The following DOK5 variants were observed in gnomAD, a reference collection of about 807,000 sequenced individuals.
DOK5 encodes the protein docking protein 5, also known as downstream of tyrosine kinase 5.
Under a neutral mutation model 43.3 loss-of-function variants are expected in DOK5, and 27 were observed. The ratio of observed to expected loss-of-function variants is 0.62; its 90% confidence interval spans 0.46 to 0.86. The LOEUF is 0.86. Ranked by LOEUF, DOK5 falls within the 40% of genes least tolerant of loss-of-function variation. The pLI is 0.00. For missense variants in DOK5, 373 were observed against 392.9 expected, an observed-to-expected ratio of 0.95 and a Z score of 0.43; for synonymous variants, 146 against 140.1, an observed-to-expected ratio of 1.04 and a Z score of -0.30.
intron 6 of DOK5, among the ~76,000 whole-genome samples, chr20:54,618,842 A>T (rs1407992212): frequency 4.0e-5 from 6 of 151,074 alleles, no homozygotes; most frequent in African/African-American, 9.7e-5. Flanking sequence ...ACATAGGGAG[A>T]CCCCATCTCT....
chr20:54,575,063 T>A (rs1985410730), intron 2 of DOK5, among the ~76,000 whole-genome samples: 1 of 152,176 alleles, frequency 6.6e-6, no homozygotes, highest in African/African-American at 2.4e-5. Context: ...CTCATCAAAC[T>A]TTTAAATGTA....
chr20:54,540,627 C>T (rs1333963845), intron 1 of DOK5, among the ~76,000 whole-genome samples: 1 of 152,092 alleles, frequency 6.6e-6, no homozygotes, highest in Non-Finnish European at 1.5e-5. Context: ...TGATCCTTCC[C>T]CACCTCAGCC....
chr20:54,481,002 C>CT (rs56799784), intron 1 of DOK5, among the ~76,000 whole-genome samples: 580 of 34,462 alleles, frequency 0.017, 5 homozygotes, highest in East Asian at 0.15. Context: ...ATCTATCTAT[C>CT]ATCTATCATC....
At chr20:54,644,629 C>T (rs553847525) in intron 7 of DOK5, among the ~76,000 whole-genome samples, 1 of 150,602 alleles carries the variant, frequency 6.6e-6, no homozygotes, top group Non-Finnish European at 1.5e-5. Context: ...TGGCGTGAAC[C>T]CGGGAGGCGG....
chr20:54,564,848 A>C (rs1489924281), intron 2 of DOK5, among the ~76,000 whole-genome samples: 1 of 152,146 alleles, frequency 6.6e-6, no homozygotes, highest in African/African-American at 2.4e-5. Context: ...ATCAAAGCTC[A>C]TTGCCAATAC....
At chr20:54,527,439 A>G (rs1422716239) in intron 1 of DOK5, among the ~76,000 whole-genome samples, 1 of 152,186 alleles carries the variant, frequency 6.6e-6, no homozygotes, top group Non-Finnish European at 1.5e-5. Context: ...ACAGAACCAT[A>G]TATTGTTATG....
chr20:54,499,626 T>A (rs1039672334), intron 1 of DOK5, among the ~76,000 whole-genome samples: 3 of 152,250 alleles, frequency 2.0e-5, no homozygotes, highest in Admixed American at 6.5e-5. Flanking sequence ...GTTGTCTCTA[T>A]GGCCAATTTA....
chr20:54,508,421 A>G (rs2146684861), intron 1 of DOK5, among the ~76,000 whole-genome samples: 3 of 150,616 alleles, frequency 2.0e-5, no homozygotes, highest in Middle Eastern at 6.8e-3. Flanking sequence ...GGCTGGGGAT[A>G]TAATGATGCT....
In DOK5 at chr20:54,555,006, A is replaced by G. The variant is rs757827852; in HGVS notation, c.140A>G (p.Asp47Gly). 18 of 1,613,754 alleles carry G rather than the reference A, an allele frequency of 1.1e-5. No individual in the cohort carries two copies. The East Asian group carries it at 4.0e-4, about 36-fold the overall frequency. Residue 47 changes from aspartate (D) to glycine (G), a missense_variant, in exon 2 of 8, where the codon GAT becomes GGT. Asp to Gly is a moderately conservative substitution (Grantham distance 94). Coordinates refer to ENST00000262593, the MANE Select transcript of DOK5 (RefSeq NM_018431.5). Reference protein sequence around the residue: ...KGPKRLEKFSDERAAYFRCYH... With the variant: ...KGPKRLEKFSGERAAYFRCYH... ...CCAAAAAGACTGGAGAAATTTTCTG[A>G]TGAACGTGCTGCATATTTCAGGTGT...
At chr20:54,636,304 C>A (rs949607566) in intron 6 of DOK5, among the ~76,000 whole-genome samples, 1 of 152,140 alleles carries the variant, frequency 6.6e-6, no homozygotes, top group Non-Finnish European at 1.5e-5. Context: ...TAATGAAAGG[C>A]CAAGTTAGGA....
chr20:54,638,332 C>T (rs1978937809), intron 6 of DOK5, among the ~76,000 whole-genome samples: 1 of 151,982 alleles, frequency 6.6e-6, no homozygotes. Context: ...AGAATTTAAC[C>T]ACATAAGTAA....
At chr20:54,579,962 G>A (rs1299343771) in intron 2 of DOK5, among the ~76,000 whole-genome samples, 3 of 152,016 alleles carry the variant, frequency 2.0e-5, no homozygotes, top group African/African-American at 7.2e-5. Flanking sequence ...CCTGGTGTGT[G>A]ATGTTCCCCT....
At chr20:54,594,402 A>G (rs1986073463) in intron 5 of DOK5, among the ~76,000 whole-genome samples, 2 of 152,188 alleles carry the variant, frequency 1.3e-5, no homozygotes, top group South Asian at 4.1e-4. Context: ...AAAAGAAAAC[A>G]ACAATGACAA....
chr20:54,621,172 T>A (rs1986964827), intron 6 of DOK5, among the ~76,000 whole-genome samples: 3 of 152,180 alleles, frequency 2.0e-5, no homozygotes, highest in South Asian at 4.1e-4. Flanking sequence ...TACAAATGGA[T>A]GTGTTAGTGT....
chr20:54,497,301 C>T (rs1182711989), intron 1 of DOK5, among the ~76,000 whole-genome samples: 1 of 152,200 alleles, frequency 6.6e-6, no homozygotes, highest in East Asian at 1.9e-4. Flanking sequence ...AGAGACACTG[C>T]TTCATGCATT....
At chr20:54,515,433 G>A (rs1388537185) in intron 1 of DOK5, among the ~76,000 whole-genome samples, 5 of 152,158 alleles carry the variant, frequency 3.3e-5, no homozygotes, top group African/African-American at 1.2e-4. Context: ...ATTTTCCTGA[G>A]TCAGTCCAGG....
intron 1 of DOK5, among the ~76,000 whole-genome samples, chr20:54,509,674 A>T (rs1982946457): frequency 6.6e-6 from 1 of 152,190 alleles, no homozygotes. Flanking sequence ...GAGAGCATTT[A>T]TTATTGAGTA....
intron 1 of DOK5, among the ~76,000 whole-genome samples, chr20:54,545,159 T>G (rs6127223): frequency 6.6e-6 from 1 of 152,244 alleles, no homozygotes; most frequent in Non-Finnish European, 1.5e-5. Flanking sequence ...CAAATCCCTT[T>G]CATTGTCTTA....
chr20:54,548,264 G>T, intron 1 of DOK5, among the ~76,000 whole-genome samples: 1 of 132,452 alleles, frequency 7.5e-6, no homozygotes, highest in African/African-American at 3.6e-5. Context: ...TTTATTTATT[G>T]ACACTCTGTC....
Sources: allele counts gnomAD v4.1 joint callset (sites outside exome capture counted in the v4.1 genomes callset), GRCh38; gene constraint gnomAD v4.1.1; transcripts MANE v1.5; gene names NCBI Gene and HGNC (gene_info 2026-07-23, HGNC 2026-07-21).